Variants in LOC128462377 observed in about 807,000 individuals in gnomAD.
chr16:89,377,510 G>A, the LOC128462377 span, among the ~76,000 whole-genome samples: 1 of 152,108 alleles, frequency 6.6e-6, no homozygotes, highest in East Asian at 1.9e-4. Flanking sequence ...AGGGATGAAG[G>A]GTTTCATTTC....
the LOC128462377 span, among the ~76,000 whole-genome samples, chr16:89,350,499 C>T: frequency 6.6e-6 from 1 of 152,200 alleles, no homozygotes; most frequent in East Asian, 1.9e-4. Flanking sequence ...ACATACACCA[C>T]AGAACCCAGA....
the LOC128462377 span, among the ~76,000 whole-genome samples, chr16:89,318,174 C>T: frequency 3.7e-4 from 57 of 152,318 alleles, no homozygotes; most frequent in African/African-American, 1.3e-3. Flanking sequence ...TTCCCAGCCT[C>T]GTCCTGGTCT....
the LOC128462377 span, among the ~76,000 whole-genome samples, chr16:89,331,112 C>G: frequency 6.6e-6 from 1 of 152,124 alleles, no homozygotes; most frequent in South Asian, 2.1e-4. Context: ...TGCCACCATG[C>G]CCGGCTAATT....
At chr16:89,381,546 A>G in the LOC128462377 span, among the ~76,000 whole-genome samples, 1 of 152,216 alleles carries the variant, frequency 6.6e-6, no homozygotes, top group Non-Finnish European at 1.5e-5. Context: ...AACATGCACT[A>G]TGATTTTCTA....
chr16:89,346,250 GAAAAA>G, the LOC128462377 span, among the ~76,000 whole-genome samples: 3 of 96,880 alleles, frequency 3.1e-5, no homozygotes, highest in African/African-American at 1.2e-4. Context: ...CCCGTCTCAG[GAAAAA>G]AAAAAAAAAA....
chr16:89,387,801 A>G, the LOC128462377 span, among the ~76,000 whole-genome samples: 1 of 151,346 alleles, frequency 6.6e-6, no homozygotes, highest in Admixed American at 6.6e-5. Context: ...TCAGGGGTTC[A>G]AGACCAGCCT....
the LOC128462377 span, among the ~76,000 whole-genome samples, chr16:89,349,514 G>A: frequency 6.6e-6 from 1 of 152,210 alleles, no homozygotes; most frequent in East Asian, 1.9e-4. Context: ...TAAATATATA[G>A]TCAACTAATT....
chr16:89,321,804 G>A, the LOC128462377 span, among the ~76,000 whole-genome samples: 12 of 152,236 alleles, frequency 7.9e-5, no homozygotes, highest in East Asian at 1.2e-3. Flanking sequence ...TTTGCACTGC[G>A]TGGGTTCACT....
the LOC128462377 span, among the ~76,000 whole-genome samples, chr16:89,394,257 G>A: frequency 6.6e-6 from 1 of 152,194 alleles, no homozygotes; most frequent in Non-Finnish European, 1.5e-5. Context: ...GGTCTCCCAT[G>A]TCCCTGGAAA....
chr16:89,377,759 G>A, the LOC128462377 span, among the ~76,000 whole-genome samples: 4 of 152,112 alleles, frequency 2.6e-5, no homozygotes, highest in Non-Finnish European at 5.9e-5. Context: ...AACAGTGAGG[G>A]AGGACTGTGA....
the LOC128462377 span, among the ~76,000 whole-genome samples, chr16:89,412,818 T>C: frequency 6.6e-6 from 1 of 152,210 alleles, no homozygotes; most frequent in Non-Finnish European, 1.5e-5. Flanking sequence ...AACCGCAATA[T>C]TATAACCTAC....
At chr16:89,354,376 T>C in the LOC128462377 span, among the ~76,000 whole-genome samples, 3 of 151,830 alleles carry the variant, frequency 2.0e-5, no homozygotes, top group Non-Finnish European at 4.4e-5. Flanking sequence ...ATTAGACAAA[T>C]ACCCAAATAT....
chr16:89,331,394 T>C, the LOC128462377 span, among the ~76,000 whole-genome samples: 4 of 152,182 alleles, frequency 2.6e-5, no homozygotes, highest in Admixed American at 2.6e-4. Flanking sequence ...AAGACCCCGA[T>C]CTCTGACAAA....
At chr16:89,375,503 G>A in the LOC128462377 span, among the ~76,000 whole-genome samples, 9 of 151,822 alleles carry the variant, frequency 5.9e-5, no homozygotes, top group East Asian at 1.9e-4. Context: ...CTTGTCGCCC[G>A]GGCTGGAGTG....
At chr16:89,344,198 G>A in the LOC128462377 span, among the ~76,000 whole-genome samples, 2 of 152,164 alleles carry the variant, frequency 1.3e-5, no homozygotes, top group African/African-American at 4.8e-5. Context: ...CAGCCCCTAA[G>A]TCATCACTAG....
the LOC128462377 span, among the ~76,000 whole-genome samples, chr16:89,418,004 G>T: frequency 4.6e-5 from 7 of 152,312 alleles, no homozygotes; most frequent in African/African-American, 1.2e-4. Flanking sequence ...AGGACAAGAG[G>T]AAATAAACTT....
the LOC128462377 span, among the ~76,000 whole-genome samples, chr16:89,367,921 T>C: frequency 2.6e-5 from 4 of 152,098 alleles, no homozygotes; most frequent in East Asian, 7.7e-4. Flanking sequence ...GGAGGATCAC[T>C]TGAGCCCAGG....
At chr16:89,357,771 G>C in the LOC128462377 span, among the ~76,000 whole-genome samples, 1 of 152,224 alleles carries the variant, frequency 6.6e-6, no homozygotes, top group African/African-American at 2.4e-5. Flanking sequence ...GGCCCTGAGG[G>C]AGGAGTCTGG....
chr16:89,324,550 G>A, the LOC128462377 span: 2 of 455,836 alleles, frequency 4.4e-6, no homozygotes, highest in Non-Finnish European at 8.8e-6. Flanking sequence ...AGTGGACGGG[G>A]AGAGGCCGAC....
Sources: allele counts gnomAD v4.1 joint callset (sites outside exome capture counted in the v4.1 genomes callset), GRCh38; gene constraint gnomAD v4.1.1; transcripts MANE v1.5.